The following DACH2 variants were observed in gnomAD, a reference collection of about 807,000 sequenced individuals.
DACH2 encodes dachshund homolog 2.
Under a neutral mutation model 35.8 loss-of-function variants are expected in DACH2, and 17 were observed. The observed-to-expected ratio is 0.48, with a 90% CI of 0.33 to 0.71. DACH2 has a LOEUF of 0.71. Among genes scored for constraint, DACH2 ranks in the 30% least tolerant of loss-of-function variants. DACH2 has a pLI of 0.02. For missense variants in DACH2, 469 were observed against 472.7 expected, an observed-to-expected ratio of 0.99 and a Z score of 0.07; for synonymous variants, 195 against 177.3, an observed-to-expected ratio of 1.10 and a Z score of -0.79.
At chrX:86,155,359 A>G (rs1243824447) in intron 1 of DACH2, among the ~76,000 whole-genome samples, 1 of 110,868 alleles carries the variant, frequency 9.0e-6, no homozygotes, top group Non-Finnish European at 1.9e-5. Context: ...ATTTTAATAT[A>G]TTTATATTCT....
chrX:86,302,359 A>G lies in DACH2; in HGVS notation c.489-74465A>G, dbSNP rs183231740. Among the ~76,000 whole-genome samples the G allele has an allele frequency of 6.0e-3, 670 of 111,838 alleles. 6 individuals are homozygous for G. The highest frequency in any genetic ancestry group is 0.021 in the African/African-American group (636 of 30,914). ...ATTTATTTATAAAGAGAACTAGTGG[A>G]AAAAATGATTAGTTGGCTACTGTTT... On this transcript the variant is annotated intron_variant, in intron 1 of 11. Coordinates refer to ENST00000373125, the MANE Select transcript of DACH2 (RefSeq NM_053281.3).
chrX:86,303,927 A>G (rs1395160235), intron 1 of DACH2, among the ~76,000 whole-genome samples: 1 of 111,620 alleles, frequency 9.0e-6, no homozygotes, highest in Non-Finnish European at 1.9e-5. Context: ...AGAATAGTCA[A>G]AACAATCTTG....
At chrX:86,651,220 G>GC (rs1021242845) in intron 4 of DACH2, 53 bp downstream of exon 4, 12 of 1,149,805 alleles carry the variant, frequency 1.0e-5, no homozygotes, top group Non-Finnish European at 1.4e-5. Flanking sequence ...CTATTGTGGG[G>GC]CAGGAGAGAG....
chrX:86,414,787 C>T (rs1161959314), intron 2 of DACH2, among the ~76,000 whole-genome samples: 1 of 111,457 alleles, frequency 9.0e-6, no homozygotes, highest in Non-Finnish European at 1.9e-5. Context: ...ACTATTAGAA[C>T]CTTTTTTTTA....
At chrX:86,573,315 C>T (rs1188308563) in intron 3 of DACH2, among the ~76,000 whole-genome samples, 1 of 111,356 alleles carries the variant, frequency 9.0e-6, no homozygotes, top group Non-Finnish European at 1.9e-5. Context: ...AGAGTGTATG[C>T]TCCTAGAAGA....
intron 2 of DACH2, among the ~76,000 whole-genome samples, chrX:86,390,185 T>TAA (rs11444467): frequency 9.1e-6 from 1 of 110,429 alleles, no homozygotes; most frequent in African/African-American, 3.3e-5. Flanking sequence ...TGTCTCTGGT[T>TAA]AAAAAAAAAC....
intron 1 of DACH2, among the ~76,000 whole-genome samples, chrX:86,163,417 A>T (rs2030834696): frequency 9.0e-6 from 1 of 110,625 alleles, no homozygotes. Context: ...CGTTGTGTGT[A>T]TGTACCACAT....
chrX:86,403,132 A>T (rs920721287), intron 2 of DACH2, among the ~76,000 whole-genome samples: 1 of 112,353 alleles, frequency 8.9e-6, no homozygotes, highest in Non-Finnish European at 1.9e-5. Flanking sequence ...TTGGCAAAAA[A>T]CTTTGACTAA....
chrX:86,800,673 G>C (rs542297019), intron 7 of DACH2, among the ~76,000 whole-genome samples: 1 of 111,167 alleles, frequency 9.0e-6, no homozygotes, highest in African/African-American at 3.3e-5. Flanking sequence ...TTGTTTCTTT[G>C]TTTGTTTGTT....
intron 4 of DACH2, among the ~76,000 whole-genome samples, chrX:86,680,652 C>CTTTTTTT (rs1195400316): frequency 2.4e-5 from 2 of 82,318 alleles, no homozygotes; most frequent in African/African-American, 4.5e-5. Context: ...TGACTCATTT[C>CTTTTTTT]TTTTTTTTTT....
chrX:86,770,270 A>C (rs182162767), intron 7 of DACH2, among the ~76,000 whole-genome samples: 28 of 111,107 alleles, frequency 2.5e-4, no homozygotes, highest in Non-Finnish European at 4.0e-4. Flanking sequence ...GCTCTAAAAA[A>C]CCTGTGGAGT....
chrX:86,320,003 A>T (rs1569347143), intron 1 of DACH2, among the ~76,000 whole-genome samples: 1 of 111,808 alleles, frequency 8.9e-6, no homozygotes, highest in Non-Finnish European at 1.9e-5. Context: ...GCATAGCCAG[A>T]AGACAAAGAC....
At chrX:86,717,480 T>C (rs1299272141) in intron 6 of DACH2, among the ~76,000 whole-genome samples, 1 of 110,154 alleles carries the variant, frequency 9.1e-6, no homozygotes, top group Non-Finnish European at 1.9e-5. Flanking sequence ...CACATGTATG[T>C]ATATGTAGAT....
At chrX:86,515,695 C>A (rs2038457027) in intron 3 of DACH2, among the ~76,000 whole-genome samples, 1 of 112,493 alleles carries the variant, frequency 8.9e-6, no homozygotes, top group African/African-American at 3.2e-5. Flanking sequence ...ATGCTCCACA[C>A]TTCTGCCTCA....
chrX:86,753,724 A>G (rs1466526665), intron 7 of DACH2, among the ~76,000 whole-genome samples: 1 of 111,342 alleles, frequency 9.0e-6, no homozygotes, highest in Non-Finnish European at 1.9e-5. Flanking sequence ...AGAGAATGCA[A>G]TAATTCTAAA....
rs199608577 is a variant in DACH2, at chrX:86,532,481, GCTCT to G, written c.640+18111_640+18114del. The stretch of plus-strand genomic sequence containing the variant: ...CAGGAGCTGATGGTTTTGAAGTATA[GCTCT>G]CTCTCTCTCTCTCTCTCTCTTTCTC... On this transcript the variant is annotated intron_variant, in intron 3 of 11. Transcript: ENST00000373125. Among the ~76,000 whole-genome samples the G allele has an allele frequency of 8.2e-4, 84 of 102,736 alleles. No homozygotes were observed. The Middle Eastern group carries it at 0.015, about 18-fold the overall frequency. The allele number at this position is 102,736 out of a possible 115,157, so 89.2% of individuals were successfully genotyped here.
At chrX:86,521,448 A>G (rs944467271) in intron 3 of DACH2, among the ~76,000 whole-genome samples, 2 of 111,705 alleles carry the variant, frequency 1.8e-5, no homozygotes, top group African/African-American at 6.5e-5. Flanking sequence ...TGACCTCTCT[A>G]GCAAGTTTGG....
chrX:86,420,610 A>G (rs937220942), intron 2 of DACH2, among the ~76,000 whole-genome samples: 1 of 111,864 alleles, frequency 8.9e-6, no homozygotes, highest in Non-Finnish European at 1.9e-5. Context: ...CTTTTACGGT[A>G]TAATTACATT....
intron 2 of DACH2, among the ~76,000 whole-genome samples, chrX:86,400,428 G>T (rs1328610298): frequency 1.8e-5 from 2 of 111,853 alleles, no homozygotes; most frequent in African/African-American, 6.5e-5. Flanking sequence ...GTGAGGAGCT[G>T]CGTTCCTTTG....
Sources: allele counts gnomAD v4.1 joint callset (sites outside exome capture counted in the v4.1 genomes callset), GRCh38; gene constraint gnomAD v4.1.1; transcripts MANE v1.5; gene names NCBI Gene and HGNC (gene_info 2026-07-23, HGNC 2026-07-21).